Variants in PRKAR2B observed in about 807,000 individuals in gnomAD.
PRKAR2B encodes cAMP-dependent protein kinase type II-beta regulatory subunit.
Under a neutral mutation model 49.9 loss-of-function variants are expected in PRKAR2B, and 14 were observed. The observed-to-expected ratio is 0.28, with a 90% CI of 0.19 to 0.44. The LOEUF (loss-of-function observed/expected upper bound fraction) is 0.44, where lower values mean the gene tolerates loss of function less well. Ranked by LOEUF, PRKAR2B falls within the 20% of genes least tolerant of loss-of-function variation. The pLI is 1.00. For missense variants in PRKAR2B, 393 were observed against 537.9 expected (o/e 0.73, Z 2.67); for synonymous variants, 196 against 197.7 (o/e 0.99, Z 0.07).
intron 3 of PRKAR2B, among the ~76,000 whole-genome samples, chr7:107,122,909 C>A (rs1795415023): frequency 6.6e-6 from 1 of 152,182 alleles, no homozygotes; most frequent in Non-Finnish European, 1.5e-5. Context: ...AAGCTCATTT[C>A]TCACTATTAG....
Position 107,157,132 on chromosome 7 carries a change from A to C in PRKAR2B, c.985-54A>C, listed in dbSNP as rs1157189597. The C allele has an allele frequency of 2.5e-6, 4 of 1,606,138 alleles. No individual in the cohort carries two copies. The African/African-American group carries it at 5.4e-5, about 22-fold the overall frequency. On this transcript the variant is annotated intron_variant, in intron 9 of 10. Transcript: ENST00000265717. ...ACTTTTTGATGTTTAGACTGAGGTT[A>C]ATTTTATTTTTCATAAGCTGAGGAA... is the stretch of plus-strand genomic sequence containing the variant.
At chr7:107,128,037 A>G (rs1366564034) in intron 3 of PRKAR2B, among the ~76,000 whole-genome samples, 175 bp from the exon 4 acceptor site, 3 of 152,210 alleles carry the variant, frequency 2.0e-5, no homozygotes, top group South Asian at 4.1e-4. Context: ...CCTACTTGGT[A>G]GGCTCATAAG....
At chr7:107,050,245 C>T (rs192497682) in intron 1 of PRKAR2B, among the ~76,000 whole-genome samples, 2 of 150,844 alleles carry the variant, frequency 1.3e-5, no homozygotes, top group Admixed American at 6.6e-5. Context: ...AATGGAAACA[C>T]CTAAACAGAA....
intron 4 of PRKAR2B, among the ~76,000 whole-genome samples, chr7:107,136,235 A>T (rs374467529): frequency 6.6e-6 from 1 of 152,190 alleles, no homozygotes; most frequent in South Asian, 2.1e-4. Flanking sequence ...AGGCGATAAC[A>T]TGGGAGAAAA....
chr7:107,091,263 T>C (rs911095914), intron 2 of PRKAR2B, among the ~76,000 whole-genome samples: 1 of 152,202 alleles, frequency 6.6e-6, no homozygotes, highest in African/African-American at 2.4e-5. Flanking sequence ...GCTGTCACTT[T>C]AGTTAAATTC....
chr7:107,094,198 G>A (rs1300202603), intron 2 of PRKAR2B, among the ~76,000 whole-genome samples: 5 of 152,026 alleles, frequency 3.3e-5, no homozygotes, highest in African/African-American at 4.8e-5. Context: ...TTTAATGATC[G>A]CCATTCTAAC....
In PRKAR2B at chr7:107,088,129, A is replaced by G. The variant is rs184130750; in HGVS notation, c.343+17813A>G. Among the ~76,000 whole-genome samples, 3 of 152,292 alleles carry G rather than the reference A, an allele frequency of 2.0e-5. No homozygotes were observed. The East Asian group carries it at 5.8e-4, about 29-fold the overall frequency. The stretch of plus-strand genomic sequence containing the variant: ...AAGAAACGAAAACTGAGGCACAGAG[A>G]AATTAACTGGTAGAAGGAACCCACA... On this transcript the variant is annotated intron_variant, in intron 2 of 10. Transcript: ENST00000265717.
At chr7:107,074,434 G>GT (rs1281490088) in intron 2 of PRKAR2B, among the ~76,000 whole-genome samples, 2 of 151,992 alleles carry the variant, frequency 1.3e-5, no homozygotes, top group African/African-American at 2.4e-5. Flanking sequence ...TGGGCTTTTT[G>GT]TTTTTTGGAA....
chr7:107,155,615 T>C (rs1183903953), intron 8 of PRKAR2B, among the ~76,000 whole-genome samples: 2 of 152,078 alleles, frequency 1.3e-5, no homozygotes, highest in Non-Finnish European at 1.5e-5. Context: ...ATTTCTCTAA[T>C]GATCAGTAAT....
rs57752789 is a variant in PRKAR2B, at chr7:107,050,333, C to CTTTTTTTTTTTTT, written c.307+5136_307+5148dup. On this transcript the variant is annotated intron_variant, in intron 1 of 10. Coordinates refer to ENST00000265717, the MANE Select transcript of PRKAR2B (RefSeq NM_002736.3). The stretch of plus-strand genomic sequence containing the variant: ...TTATTTTAGATAAGACAGTTACCAG[C>CTTTTTTTTTTTTT]TTTTTTTTTTTTTTTTTTTTTTTTT... Among the ~76,000 whole-genome samples the CTTTTTTTTTTTTT allele has an allele frequency of 8.7e-5, 6 of 68,594 alleles. 1 individual carries two copies. Among genetic ancestry groups the CTTTTTTTTTTTTT allele is most frequent in the African/African-American group, 3.6e-4 (5 of 13,958 alleles). The allele number at this position is 68,594 out of a possible 152,430, so 45.0% of individuals were successfully genotyped here.
At chr7:107,091,186 G>T (rs1033687294) in intron 2 of PRKAR2B, among the ~76,000 whole-genome samples, 4 of 152,156 alleles carry the variant, frequency 2.6e-5, no homozygotes, top group Non-Finnish European at 5.9e-5. Flanking sequence ...GGTGCAAAAA[G>T]GATCGTTTTT....
intron 2 of PRKAR2B, among the ~76,000 whole-genome samples, chr7:107,114,372 G>GTGTGTT (rs1795231664): frequency 8.1e-6 from 1 of 123,770 alleles, no homozygotes; most frequent in African/African-American, 3.0e-5. Flanking sequence ...GTGTGTGTGT[G>GTGTGTT]TGTGTTTGAG....
intron 8 of PRKAR2B, among the ~76,000 whole-genome samples, chr7:107,155,095 C>T (rs1247668780): frequency 1.3e-5 from 2 of 152,164 alleles, no homozygotes; most frequent in Non-Finnish European, 2.9e-5. Context: ...GCACAGGATC[C>T]GCAGACATGT....
At chr7:107,116,953 G>GTATA (rs201886219) in intron 2 of PRKAR2B, among the ~76,000 whole-genome samples, 12 of 144,412 alleles carry the variant, frequency 8.3e-5, no homozygotes, top group East Asian at 7.9e-4. Flanking sequence ...GTGTGTGTGT[G>GTATA]TGTATATATA....
chr7:107,105,368 G>T (rs1326996030), intron 2 of PRKAR2B, among the ~76,000 whole-genome samples: 1 of 152,184 alleles, frequency 6.6e-6, no homozygotes, highest in Non-Finnish European at 1.5e-5. Context: ...TCTCTTCCCA[G>T]TAAAGGAATA....
At chr7:107,151,265 G>T (rs1018970909) in intron 7 of PRKAR2B, among the ~76,000 whole-genome samples, 31 of 152,144 alleles carry the variant, frequency 2.0e-4, no homozygotes, top group Admixed American at 2.0e-3. Context: ...AAATTTATAT[G>T]TGGTCTTTAT....
At chr7:107,146,734 C>T (rs1228823924) in intron 6 of PRKAR2B, among the ~76,000 whole-genome samples, 2 of 152,184 alleles carry the variant, frequency 1.3e-5, no homozygotes, top group Non-Finnish European at 2.9e-5. Context: ...CTTACCCACT[C>T]TTAGAAAATA....
chr7:107,125,044 A>T (rs1015601236), intron 3 of PRKAR2B, among the ~76,000 whole-genome samples: 2 of 152,000 alleles, frequency 1.3e-5, no homozygotes, highest in African/African-American at 4.8e-5. Flanking sequence ...TTTAATATAG[A>T]TTTTATGTGT....
chr7:107,080,653 A>G (rs914390386), intron 2 of PRKAR2B, among the ~76,000 whole-genome samples: 3 of 152,192 alleles, frequency 2.0e-5, no homozygotes, highest in African/African-American at 7.2e-5. Context: ...ATTATAATTT[A>G]TTCACTGTAA....
Sources: allele counts gnomAD v4.1 joint callset (sites outside exome capture counted in the v4.1 genomes callset), GRCh38; gene constraint gnomAD v4.1.1; transcripts MANE v1.5; gene names NCBI Gene and HGNC (gene_info 2026-07-23, HGNC 2026-07-21).